ADGRB3: variants seen among roughly 807,000 people sequenced by gnomAD.
ADGRB3 encodes the protein adhesion G protein-coupled receptor B3.
In ADGRB3, 37 loss-of-function variants were observed where a neutral mutation model predicts 193.4. The ratio of observed to expected loss-of-function variants is 0.19; its 90% CI spans 0.15 to 0.25. The LOEUF is 0.25. ADGRB3 is among the 10% of genes least tolerant of loss of function. ADGRB3 has a pLI of 1.00. For synonymous variants in ADGRB3, 690 were observed against 644.2 expected, an observed-to-expected ratio of 1.07 and a Z score of -1.08; for missense variants, 1,637 against 1,852.9, an observed-to-expected ratio of 0.88 and a Z score of 2.14.
chr6:69,358,967 G>T (rs1304862831), intron 28 of ADGRB3, among the ~76,000 whole-genome samples: 2 of 151,328 alleles, frequency 1.3e-5, no homozygotes, highest in South Asian at 4.2e-4. Flanking sequence ...TATATCACTT[G>T]ATTGAAATGT....
intron 3 of ADGRB3, among the ~76,000 whole-genome samples, chr6:68,920,615 T>TA (rs1767015382): frequency 6.7e-6 from 1 of 150,122 alleles, no homozygotes; most frequent in Non-Finnish European, 1.5e-5. Flanking sequence ...TACGAGTGAG[T>TA]AGAGAAGTAT....
At chr6:68,977,178 G>A (rs926289390) in intron 10 of ADGRB3, among the ~76,000 whole-genome samples, 1 of 150,750 alleles carries the variant, frequency 6.6e-6, no homozygotes, top group African/African-American at 2.4e-5. Flanking sequence ...ATATAGCTTA[G>A]CTTCATAATA....
At chr6:68,950,201 G>A (rs554765887) in intron 6 of ADGRB3, among the ~76,000 whole-genome samples, 15 of 152,008 alleles carry the variant, frequency 9.9e-5, no homozygotes, top group Admixed American at 8.5e-4. Context: ...CTACAGGTGC[G>A]CAATACCATA....
intron 3 of ADGRB3, among the ~76,000 whole-genome samples, chr6:68,666,537 T>G (rs1768805515): frequency 6.6e-6 from 1 of 151,830 alleles, no homozygotes; most frequent in Admixed American, 6.6e-5. Context: ...ACACGCAAGT[T>G]AGTCATAGGT....
intron 17 of ADGRB3, among the ~76,000 whole-genome samples, chr6:69,192,839 A>G (rs1765221874): frequency 6.6e-6 from 1 of 152,180 alleles, no homozygotes; most frequent in Non-Finnish European, 1.5e-5. Flanking sequence ...CAAGACAAAC[A>G]TATTTCCAGC....
chr6:69,022,394 T>C (rs1027039668), intron 13 of ADGRB3, among the ~76,000 whole-genome samples: 5 of 151,864 alleles, frequency 3.3e-5, no homozygotes, highest in Admixed American at 1.3e-4. Flanking sequence ...TAAAAAGTTA[T>C]TTTTTCAACA....
chr6:69,144,649 G>A (rs1194237573), intron 17 of ADGRB3, among the ~76,000 whole-genome samples: 1 of 152,026 alleles, frequency 6.6e-6, no homozygotes, highest in Non-Finnish European at 1.5e-5. Flanking sequence ...TGATTTTCCA[G>A]CATCAATTGA....
chr6:69,370,294 T>C (rs1021304625), intron 29 of ADGRB3, among the ~76,000 whole-genome samples: 8 of 152,200 alleles, frequency 5.3e-5, no homozygotes, highest in African/African-American at 1.4e-4. Flanking sequence ...TTGGTCAGTA[T>C]TGTGGAAACC....
intron 3 of ADGRB3, among the ~76,000 whole-genome samples, chr6:68,683,368 A>C (rs1582121287): frequency 6.6e-6 from 1 of 152,206 alleles, no homozygotes; most frequent in Non-Finnish European, 1.5e-5. Context: ...ATAAGATAAG[A>C]TGATACAGCC....
At chr6:68,786,762 G>C (rs531486095) in intron 3 of ADGRB3, among the ~76,000 whole-genome samples, 10 of 150,872 alleles carry the variant, frequency 6.6e-5, no homozygotes, top group African/African-American at 2.4e-4. Context: ...CCATTTTCAC[G>C]ATATTGATTC....
At chr6:68,960,460 T>C (rs1463711323) in intron 8 of ADGRB3, among the ~76,000 whole-genome samples, 1 of 152,144 alleles carries the variant, frequency 6.6e-6, no homozygotes, top group East Asian at 1.9e-4. Context: ...AATACACTTG[T>C]ATTAGGATTT....
chr6:69,273,643 C>T (rs1767228531), intron 20 of ADGRB3, among the ~76,000 whole-genome samples: 2 of 152,198 alleles, frequency 1.3e-5, no homozygotes, highest in Non-Finnish European at 1.5e-5. Context: ...TGTTTACATG[C>T]TAAACACTTA....
At chr6:68,701,998 G>A (rs1385089838) in intron 3 of ADGRB3, among the ~76,000 whole-genome samples, 10 of 152,074 alleles carry the variant, frequency 6.6e-5, no homozygotes, top group Admixed American at 6.6e-4. Context: ...TTCTGGTTTG[G>A]CAGGTGTATT....
intron 20 of ADGRB3, among the ~76,000 whole-genome samples, chr6:69,291,138 T>C (rs1160903214): frequency 6.6e-6 from 1 of 152,176 alleles, no homozygotes; most frequent in Non-Finnish European, 1.5e-5. Flanking sequence ...GAGATTTTTT[T>C]CATTTGCTTT....
chr6:69,176,100 C>T (rs564752881), intron 17 of ADGRB3, among the ~76,000 whole-genome samples: 10 of 152,242 alleles, frequency 6.6e-5, no homozygotes, highest in African/African-American at 2.4e-4. Flanking sequence ...GAGTTGACTT[C>T]TTCTTTTTCT....
intron 20 of ADGRB3, among the ~76,000 whole-genome samples, chr6:69,294,840 T>C (rs1767774112): frequency 6.6e-6 from 1 of 152,164 alleles, no homozygotes; most frequent in Non-Finnish European, 1.5e-5. Flanking sequence ...TCTTTGTCCC[T>C]TTTTGCTAAT....
intron 11 of ADGRB3, 31 bp downstream of exon 11, chr6:68,993,993 C>T (rs370955819): frequency 3.0e-5 from 48 of 1,600,332 alleles, no homozygotes; most frequent in Non-Finnish European, 3.9e-5. Context: ...AAGGAAAGGG[C>T]TAGTGAAGAT....
chr6:68,758,455 C>T (rs1435015376), intron 3 of ADGRB3, among the ~76,000 whole-genome samples: 3 of 152,078 alleles, frequency 2.0e-5, no homozygotes, highest in African/African-American at 7.2e-5. Context: ...AACACAGTAT[C>T]GACAAAGTTT....
At chr6:68,739,789 T>A (rs928079089) in intron 3 of ADGRB3, among the ~76,000 whole-genome samples, 13 of 152,200 alleles carry the variant, frequency 8.5e-5, no homozygotes, top group Admixed American at 5.2e-4. Context: ...GTAGGTTAAT[T>A]ATGAACACAC....
Sources: gnomAD v4.1 joint callset for allele counts (sites outside exome capture counted in the v4.1 genomes callset) on GRCh38, gnomAD v4.1.1 for gene constraint, MANE v1.5 for transcripts, NCBI Gene and HGNC (gene_info 2026-07-23, HGNC 2026-07-21) for gene names.